Variants in PHLDB2 observed in about 807,000 individuals in gnomAD.
PHLDB2 encodes the protein pleckstrin homology-like domain family B member 2.
PHLDB2 carries 71 observed loss-of-function variants against 123.6 expected under a neutral mutation model. That is an observed-to-expected ratio of 0.57 (90% CI 0.47 to 0.70). The LOEUF (loss-of-function observed/expected upper bound fraction) is 0.70, where lower values mean the gene tolerates loss of function less well. Among genes scored for constraint, PHLDB2 ranks in the 30% least tolerant of loss-of-function variants. The probability of loss-of-function intolerance (pLI) is 0.00; values close to 1 mark genes in which losing one functional copy is unlikely to be tolerated. For synonymous variants in PHLDB2, 547 were observed against 541.6 expected, an observed-to-expected ratio of 1.01 and a Z score of -0.14; for missense variants, 1,446 against 1,519.5, an observed-to-expected ratio of 0.95 and a Z score of 0.80.
intron 9 of PHLDB2, among the ~76,000 whole-genome samples, chr3:111,945,889 A>C (rs2070269029): frequency 6.6e-6 from 1 of 152,190 alleles, no homozygotes; most frequent in South Asian, 2.1e-4. Flanking sequence ...TAAACTGTAC[A>C]TACTCTTTAT....
rs776660980 is a variant in PHLDB2, at chr3:111,884,211, C to T, written c.134C>T (p.Ser45Phe). 6.2e-7 allele frequency: 1 copy of T among 1,614,038 alleles called. No homozygotes were observed. The highest frequency in any genetic ancestry group is 8.5e-7 in the Non-Finnish European group (1 of 1,180,024). The change falls in exon 2 of 18, where the codon TCC becomes TTC. Residue 45 changes from serine (S) to phenylalanine (F), a missense_variant. By Grantham distance (155) the Ser-to-Phe change is radical. Transcript: ENST00000431670. The stretch of plus-strand genomic sequence containing the variant: ...AGCCTCAGCCCAAAGAAATACTCTT[C>T]CAGTCTGAGATTTAAAGCCAATGGA... ...MESLSPKKYS[S>F]SLRFKANGDY...
intron 1 of PHLDB2, among the ~76,000 whole-genome samples, chr3:111,752,530 C>G (rs1441119356): frequency 6.6e-6 from 1 of 151,688 alleles, no homozygotes; most frequent in Non-Finnish European, 1.5e-5. Flanking sequence ...AAAAATATTC[C>G]AAATGCATCT....
intron 1 of PHLDB2, among the ~76,000 whole-genome samples, chr3:111,807,981 G>A (rs1479306490): frequency 7.1e-6 from 1 of 141,260 alleles, no homozygotes; most frequent in South Asian, 2.3e-4. Context: ...TTTTATGAGT[G>A]ACTCAATAGT....
chr3:111,891,275 C>T (rs1402842203), intron 2 of PHLDB2, among the ~76,000 whole-genome samples: 2 of 152,086 alleles, frequency 1.3e-5, no homozygotes, highest in East Asian at 1.9e-4. Flanking sequence ...AGGAGGTGAG[C>T]GGTGAGCCAG....
chr3:111,734,120 T>C (rs1941600989), intron 1 of PHLDB2, among the ~76,000 whole-genome samples: 1 of 152,198 alleles, frequency 6.6e-6, no homozygotes, highest in South Asian at 2.1e-4. Context: ...TGTGGCTACC[T>C]CTCAAGAATG....
At chr3:111,761,160 A>G (rs1172593915) in intron 1 of PHLDB2, among the ~76,000 whole-genome samples, 2 of 149,024 alleles carry the variant, frequency 1.3e-5, no homozygotes, top group Non-Finnish European at 3.0e-5. Context: ...ACCCCAGCCT[A>G]GCGACAGAGT....
At position 111,813,889 on chromosome 3, in the gene PHLDB2, A is replaced by C. The variant is rs1222878227; in HGVS notation, c.-48-31932A>C. On this transcript the variant is annotated intron_variant, in intron 1 of 17. Transcript: ENST00000393923. ...AGGGGCACTAAAGAAGGCCTGTTTC[A>C]AACAACCCAAGATATGTGGTTGCTG... Among the ~76,000 whole-genome samples, 4 of 152,326 alleles carry C rather than the reference A, an allele frequency of 2.6e-5. No homozygotes were observed. In the South Asian group the frequency reaches 8.3e-4, roughly 32 times the overall value.
chr3:111,903,593 G>T (rs1277263858), intron 2 of PHLDB2, among the ~76,000 whole-genome samples: 2 of 152,166 alleles, frequency 1.3e-5, no homozygotes, highest in Non-Finnish European at 2.9e-5. Context: ...AAATAATTGG[G>T]TCTAGTTTTT....
intron 1 of PHLDB2, among the ~76,000 whole-genome samples, chr3:111,862,889 A>G (rs780766025): frequency 3.9e-5 from 6 of 152,156 alleles, no homozygotes; most frequent in Non-Finnish European, 7.4e-5. Flanking sequence ...AAAAACTGAG[A>G]CACTCAGAGC....
At chr3:111,790,530 C>G (rs145979712) in intron 1 of PHLDB2, among the ~76,000 whole-genome samples, 27 of 152,334 alleles carry the variant, frequency 1.8e-4, no homozygotes, top group African/African-American at 6.0e-4. Flanking sequence ...TATTGCAACT[C>G]AGGAGCCAGA....
chr3:111,890,930 C>T (rs556485069), intron 2 of PHLDB2, among the ~76,000 whole-genome samples: 5 of 152,222 alleles, frequency 3.3e-5, no homozygotes, highest in African/African-American at 9.6e-5. Context: ...TTTTTATGAT[C>T]TTAGAAACCA....
At chr3:111,741,293 C>A (rs1159136790) in intron 1 of PHLDB2, among the ~76,000 whole-genome samples, 3 of 152,176 alleles carry the variant, frequency 2.0e-5, no homozygotes, top group Non-Finnish European at 2.9e-5. Context: ...GAGCACCTGT[C>A]TCACAGTGAA....
At chr3:111,757,470 T>C (rs909923655) in intron 1 of PHLDB2, among the ~76,000 whole-genome samples, 1 of 152,196 alleles carries the variant, frequency 6.6e-6, no homozygotes, top group East Asian at 1.9e-4. Flanking sequence ...AGTTACACAT[T>C]TGTCTAAATT....
exon 2 of PHLDB2, chr3:111,845,868 G>A: frequency 6.2e-7 from 1 of 1,614,216 alleles, no homozygotes; most frequent in Non-Finnish European, 8.5e-7. Context: ...AGAAGATCCT[G>A]ATGGAGGAGG....
intron 1 of PHLDB2, among the ~76,000 whole-genome samples, chr3:111,767,346 GAA>G (rs780647110): frequency 6.6e-6 from 1 of 152,202 alleles, no homozygotes; most frequent in Non-Finnish European, 1.5e-5. Flanking sequence ...TCATGTCAGT[GAA>G]AAGACATCTG....
chr3:111,739,752 G>A lies in PHLDB2; in HGVS notation c.-49+7049G>A, dbSNP rs553162612. Among the ~76,000 whole-genome samples, 18 of 152,090 alleles carry A rather than the reference G, an allele frequency of 1.2e-4. No homozygotes were observed. The South Asian group carries it at 2.5e-3, about 21-fold the overall frequency. ...TGTTGCTAACTGGGTGCCTGTGCTC[G>A]TGTCCCTTCTTGTAAGCTTCATAAA... On this transcript the variant is annotated intron_variant, in intron 1 of 17. Transcript: ENST00000393923.
chr3:111,795,049 C>G (rs1342921973), intron 1 of PHLDB2, among the ~76,000 whole-genome samples: 1 of 152,178 alleles, frequency 6.6e-6, no homozygotes, highest in Non-Finnish European at 1.5e-5. Context: ...GAGCATTTGA[C>G]TGCAAAATAT....
intron 2 of PHLDB2, chr3:111,846,126 A>C: frequency 1.7e-6 from 1 of 580,764 alleles, no homozygotes. Flanking sequence ...ACCATATCTT[A>C]CTTCACTGAA....
At chr3:111,910,057 G>C (rs1314116209) in intron 2 of PHLDB2, among the ~76,000 whole-genome samples, 1 of 152,190 alleles carries the variant, frequency 6.6e-6, no homozygotes, top group Non-Finnish European at 1.5e-5. Flanking sequence ...TGAATCTGCA[G>C]TGGGAACAAT....
Sources: gnomAD v4.1 joint callset for allele counts (sites outside exome capture counted in the v4.1 genomes callset) on GRCh38, gnomAD v4.1.1 for gene constraint, MANE v1.5 for transcripts, NCBI Gene and HGNC (gene_info 2026-07-23, HGNC 2026-07-21) for gene names.